LRP2: variants seen among roughly 807,000 people sequenced by gnomAD.
The protein encoded by LRP2 is LDL receptor related protein 2, also known as low-density lipoprotein receptor-related protein 2.
In LRP2, 172 loss-of-function variants were observed where a neutral mutation model predicts 531.0. The observed-to-expected ratio is 0.32, with a 90% CI of 0.29 to 0.37. The LOEUF (loss-of-function observed/expected upper bound fraction) is 0.37. Ranked by LOEUF, LRP2 falls within the 10% of genes least tolerant of loss-of-function variation. The probability of loss-of-function intolerance (pLI) is 1.00; values close to 1 mark genes in which losing one functional copy is unlikely to be tolerated. For missense variants in LRP2, 5,167 were observed against 5,868.3 expected (o/e 0.88, Z 3.90); for synonymous variants, 1,992 against 2,027.6 (o/e 0.98, Z 0.47).
chr2:169,341,287 C>A (rs987009968), intron 1 of LRP2, among the ~76,000 whole-genome samples: 1 of 151,942 alleles, frequency 6.6e-6, no homozygotes, highest in East Asian at 1.9e-4. Flanking sequence ...AAAGATCATA[C>A]GTGAGGCAGA....
chr2:169,138,542 C>A, intron 75 of LRP2, 35 bp downstream of exon 75: 2 of 1,610,762 alleles, frequency 1.2e-6, no homozygotes, highest in Non-Finnish European at 1.7e-6. Flanking sequence ...CTATAAATGA[C>A]AACCTTCAAA....
At chr2:169,307,915 AT>A (rs1435149748) in intron 3 of LRP2, among the ~76,000 whole-genome samples, 2 of 152,298 alleles carry the variant, frequency 1.3e-5, no homozygotes, top group East Asian at 3.9e-4. Flanking sequence ...AGCTAGCTTG[AT>A]TTCATCCCAT....
At chr2:169,220,623 G>A in intron 33 of LRP2, 60 bp from the exon 34 acceptor site, 1 of 1,103,586 alleles carries the variant, frequency 9.1e-7, no homozygotes, top group Admixed American at 1.9e-5. Context: ...AGGAAACTGA[G>A]ATGAAGGAGA....
rs143639269 is a variant in LRP2, at chr2:169,302,027, T to C, written c.427+5254A>G. Among the ~76,000 whole-genome samples, 225 of 152,244 alleles carry C rather than the reference T, an allele frequency of 1.5e-3. 1 individual carries two copies. Among genetic ancestry groups the C allele is most frequent in the Non-Finnish European group, 2.7e-3 (183 of 68,000 alleles). ...CTAATATATTCATTCCTATAGGCCA[T>C]TCTATTTCTGAGAAATAGAAAAACA... On this transcript the variant is annotated intron_variant, in intron 4 of 78. Coordinates refer to ENST00000649046, the MANE Select transcript of LRP2 (RefSeq NM_004525.3).
At chr2:169,258,097 C>G (rs1690389998) in intron 17 of LRP2, among the ~76,000 whole-genome samples, 1 of 151,992 alleles carries the variant, frequency 6.6e-6, no homozygotes, top group African/African-American at 2.4e-5. Flanking sequence ...ATAATAACAT[C>G]AGTTTTAAAA....
At chr2:169,214,034 C>G (rs1345314722) in intron 35 of LRP2, among the ~76,000 whole-genome samples, 164 bp from the exon 36 acceptor site, 1 of 152,030 alleles carries the variant, frequency 6.6e-6, no homozygotes, top group Non-Finnish European at 1.5e-5. Flanking sequence ...ACAACGACAC[C>G]AAGCAGCAGG....
chr2:169,137,560 T>C (rs1261961876), intron 75 of LRP2, 67 bp from the exon 76 acceptor site: 4 of 1,008,106 alleles, frequency 4.0e-6, no homozygotes, highest in Non-Finnish European at 6.2e-6. Flanking sequence ...TACACCATAC[T>C]AATCTGGTTC....
At chr2:169,361,103 C>A (rs1304630885) in intron 1 of LRP2, among the ~76,000 whole-genome samples, 1 of 152,044 alleles carries the variant, frequency 6.6e-6, no homozygotes, top group Non-Finnish European at 1.5e-5. Context: ...AGTTGTCCGA[C>A]GGGAGGGAAG....
At chr2:169,275,644 A>T (rs898355634) in intron 13 of LRP2, among the ~76,000 whole-genome samples, 3 of 152,190 alleles carry the variant, frequency 2.0e-5, no homozygotes, top group Admixed American at 2.0e-4. Flanking sequence ...TGCCTTTGCC[A>T]ACTATTTCCC....
chr2:169,265,931 A>G (rs4667599), intron 16 of LRP2, among the ~76,000 whole-genome samples: 85,540 of 151,680 alleles, frequency 0.56, 25,245 homozygotes, highest in East Asian at 0.89. Context: ...AAAAAAAATT[A>G]TAGATTGTTT....
At position 169,128,613 on chromosome 2, in the gene LRP2, AT is replaced by A. The variant is rs770037745; in HGVS notation, c.*49del. On this transcript the variant is annotated 3_prime_UTR_variant, in exon 79 of 79. Transcript: ENST00000649046. ...AACTTTTTTCATCTGTTTGTAAAAA[AT>A]ATATGTGCAAAAGTGTGTTTCTAAT... 8 of 1,560,072 alleles carry A rather than the reference AT, an allele frequency of 5.1e-6. No homozygotes were observed. In the African/African-American group the frequency reaches 5.4e-5, roughly 11 times the overall value.
chr2:169,198,393 G>A (rs897384549), intron 45 of LRP2, among the ~76,000 whole-genome samples: 6 of 152,118 alleles, frequency 3.9e-5, no homozygotes, highest in African/African-American at 7.2e-5. Context: ...CAGCCCAGGT[G>A]ACAGAGTGAG....
chr2:169,263,316 A>G (rs1043000577), intron 16 of LRP2, among the ~76,000 whole-genome samples: 1 of 152,160 alleles, frequency 6.6e-6, no homozygotes, highest in African/African-American at 2.4e-5. Context: ...GCAACCCACA[A>G]AATGGGAGAA....
At chr2:169,335,965 A>G (rs1685391120) in intron 1 of LRP2, among the ~76,000 whole-genome samples, 1 of 151,670 alleles carries the variant, frequency 6.6e-6, no homozygotes, top group South Asian at 2.1e-4. Context: ...CAGTGAGCCA[A>G]GATAGTGCCA....
intron 1 of LRP2, among the ~76,000 whole-genome samples, chr2:169,339,725 C>T (rs546744540): frequency 6.6e-6 from 1 of 152,248 alleles, no homozygotes; most frequent in South Asian, 2.1e-4. Context: ...TTTTAAAATT[C>T]TCCTCACTTC....
chr2:169,282,659 G>T (rs577504978), intron 10 of LRP2, among the ~76,000 whole-genome samples: 1 of 152,138 alleles, frequency 6.6e-6, no homozygotes, highest in African/African-American at 2.4e-5. Context: ...TATTAATAAT[G>T]GTCACCATTA....
intron 3 of LRP2, among the ~76,000 whole-genome samples, chr2:169,316,914 G>A (rs751741193): frequency 1.3e-5 from 2 of 152,158 alleles, no homozygotes; most frequent in Non-Finnish European, 2.9e-5. Context: ...AGGGAGTGGT[G>A]TCAAGAAGGA....
chr2:169,156,733 T>C lies in LRP2; in HGVS notation c.12020-328A>G, dbSNP rs112773608. On this transcript the variant is annotated intron_variant, in intron 64 of 78. Transcript: ENST00000649046. ...CACATTTTCCCTTTCAGAAGGCATATGTTGTGTTGTATTGTTCGGTGTCTC... is the reference window on the plus strand; with the variant it reads ...CACATTTTCCCTTTCAGAAGGCATACGTTGTGTTGTATTGTTCGGTGTCTC... 5.6e-4 allele frequency among the ~76,000 whole-genome samples: 86 copies of C among 152,284 alleles called. 1 individual carries two copies. The highest frequency in any genetic ancestry group is 2.0e-3 in the African/African-American group (85 of 41,576).
intron 48 of LRP2, among the ~76,000 whole-genome samples, chr2:169,189,936 G>A (rs961285490): frequency 1.3e-5 from 2 of 152,252 alleles, no homozygotes; most frequent in East Asian, 1.9e-4. Flanking sequence ...GAGAGGAAAT[G>A]TTACTGTGCT....
Sources: gnomAD v4.1 joint callset for allele counts (sites outside exome capture counted in the v4.1 genomes callset) on GRCh38, gnomAD v4.1.1 for gene constraint, MANE v1.5 for transcripts, NCBI Gene and HGNC (gene_info 2026-07-23, HGNC 2026-07-21) for gene names.